The following PKD1 variants were observed in gnomAD, a reference collection of about 807,000 sequenced individuals.
PKD1 encodes polycystin-1.
In PKD1, 81 loss-of-function variants were observed where a neutral mutation model predicts 361.7. That is an observed-to-expected ratio of 0.22 (90% CI 0.19 to 0.27). The LOEUF is 0.27. Ranked by LOEUF, PKD1 falls within the 10% of genes least tolerant of loss-of-function variation. PKD1 has a pLI of 1.00. For synonymous variants in PKD1, 3,615 were observed against 2,818.3 expected (o/e 1.28, Z -8.95); for missense variants, 6,399 against 6,118.3 (o/e 1.05, Z -1.53).
At chr16:2,096,826 GTATT>G in intron 34 of PKD1, 1 of 422,624 alleles carries the variant, frequency 2.4e-6, no homozygotes, top group Non-Finnish European at 4.3e-6. Flanking sequence ...CAAAAATGGG[GTATT>G]TAAAAACCCG....
chr16:2,106,058 G>T lies in PKD1; in HGVS notation c.7703+33C>A, dbSNP rs750062706. On this transcript the variant is annotated intron_variant, in intron 19 of 45. Coordinates refer to ENST00000262304, the MANE Select transcript of PKD1 (RefSeq NM_001009944.3). The surrounding 1 kb of genome is among the most constrained non-coding windows in gnomAD (Gnocchi z 6.5). ...AGAGGGGGGTGGTGAGCAGGTGGCAGTCTCGGGGGCGCCCTCCCACGGCCT... is the reference window on the plus strand; with the variant it reads ...AGAGGGGGGTGGTGAGCAGGTGGCATTCTCGGGGGCGCCCTCCCACGGCCT... 6.2e-7 allele frequency: 1 copy of T among 1,606,988 alleles called. No individual in the cohort carries two copies. Among genetic ancestry groups the T allele is most frequent in the Middle Eastern group, 2.3e-4 (1 of 4,418 alleles).
Position 2,114,252 on chromosome 16 carries a change from A to T in PKD1, c.2771T>A (p.Leu924Gln). ...ENSASRANLS[L>Q]RVTAEEPICG... ...GATGGGCTCCTCCGCCGTCACCCGC[A>T]GGCTGAGGTTGGCCCGGCTGGCGCT... The change falls in exon 11 of 46, where the codon CTG becomes CAG. Residue 924 changes from leucine to glutamine, a missense_variant. By Grantham distance (113) the Leu-to-Gln change is moderately radical. Coordinates refer to ENST00000262304, the MANE Select transcript of PKD1 (RefSeq NM_001009944.3). The T allele has an allele frequency of 6.2e-7, 1 of 1,610,170 alleles. No individual in the cohort carries two copies. The highest frequency in any genetic ancestry group is 8.5e-7 in the Non-Finnish European group (1 of 1,179,448).
chr16:2,134,925 G>T (rs1348206992), intron 1 of PKD1: 1 of 121,736 alleles, frequency 8.2e-6, no homozygotes, highest in Non-Finnish European at 1.6e-5. Context: ...GCCCACCCGC[G>T]AGCCCACCTC....
Position 2,112,014 on chromosome 16 carries a change from G to T in PKD1, c.3296-143C>A, listed in dbSNP as rs1039527287. 9.1e-6 allele frequency: 8 copies of T among 880,258 alleles called. No individual in the cohort carries two copies. In the African/African-American group the frequency reaches 1.3e-4, roughly 15 times the overall value. 54.5% of individuals were successfully genotyped at this position (880,258 alleles called of 1,614,324 possible). ...TAAGGGTCCCAGGCTCCCAAGCCAC[G>T]TGCGGGACGGAGCACAGGTGTAGCA... On this transcript the variant is annotated intron_variant, in intron 14 of 45. Transcript: ENST00000262304.
At position 2,090,813 on chromosome 16, in the gene PKD1, G is replaced by T. The variant is rs1017581799; in HGVS notation, c.12004-5C>A. ...GAAGCGTAGCTGCTGGGCAGCCTGC[G>T]GACGAGAAATCTGTCTGCTTGCAGC... On this transcript the variant is annotated splice_region_variant and splice_polypyrimidine_tract_variant and intron_variant, in intron 43 of 45. Coordinates refer to ENST00000262304, the MANE Select transcript of PKD1 (RefSeq NM_001009944.3). 2 of 1,612,252 alleles carry T rather than the reference G, an allele frequency of 1.2e-6. No homozygotes were observed. Among genetic ancestry groups the T allele is most frequent in the South Asian group, 2.2e-5 (2 of 91,092 alleles).
Position 2,090,615 on chromosome 16 carries a change from G to A in PKD1, c.12139-25C>T, listed in dbSNP as rs368784157. 5 of 1,608,732 alleles carry A rather than the reference G, an allele frequency of 3.1e-6. No homozygotes were observed. The East Asian group carries it at 8.9e-5, about 29-fold the overall frequency. On this transcript the variant is annotated intron_variant, in intron 44 of 45. Coordinates refer to ENST00000262304, the MANE Select transcript of PKD1 (RefSeq NM_001009944.3). ...GCTGCGGGGAAGGCGACACCAGTGA[G>A]GGCGTACAGCTGAGCTGAGCTGAGC...
In PKD1 at chr16:2,089,714, C is replaced by G; in HGVS notation, c.*13G>C. ...ACTCCGACTCCACGGCCCACCCCCGCCAGGAAGGAGGACTAAGTGCTGCTG... is the reference window on the plus strand; with the variant it reads ...ACTCCGACTCCACGGCCCACCCCCGGCAGGAAGGAGGACTAAGTGCTGCTG... On this transcript the variant is annotated 3_prime_UTR_variant, in exon 46 of 46. Coordinates refer to ENST00000262304, the MANE Select transcript of PKD1 (RefSeq NM_001009944.3). 6.4e-7 allele frequency: 1 copy of G among 1,569,338 alleles called. No homozygotes were observed. The highest frequency in any genetic ancestry group is 8.6e-7 in the Non-Finnish European group (1 of 1,158,524).
chr16:2,121,718 C>T (rs2092724249), intron 1 of PKD1, among the ~76,000 whole-genome samples: 1 of 132,592 alleles, frequency 7.5e-6, no homozygotes, highest in Non-Finnish European at 1.6e-5. Context: ...CCCTCCTGGT[C>T]CCACGCACTC....
In PKD1 at chr16:2,109,874, G is replaced by C; in HGVS notation, c.5293C>G (p.Pro1765Ala). ...EEGLSWETSE[P>A]FTTHSFPTPG... ...GTGGGGAAGCTATGGGTGGTAAATG[G>C]CTCGGAGGTCTCCCAGCTCAGCCCC... The change falls in exon 15 of 46, where the codon CCA (proline) becomes GCA (alanine). Residue 1765 changes from proline (P) to alanine (A), a missense_variant. Coordinates refer to ENST00000262304, the MANE Select transcript of PKD1 (RefSeq NM_001009944.3). 1.9e-6 allele frequency: 3 copies of C among 1,610,676 alleles called. No homozygotes were observed. Among genetic ancestry groups the C allele is most frequent in the Non-Finnish European group, 2.5e-6 (3 of 1,179,830 alleles).
At chr16:2,131,545 T>C (rs1860654822) in intron 1 of PKD1, among the ~76,000 whole-genome samples, 1 of 146,260 alleles carries the variant, frequency 6.8e-6, no homozygotes. Flanking sequence ...ATAAATAAAA[T>C]ACATCACTCA....
chr16:2,111,469 G>A lies in PKD1; in HGVS notation c.3698C>T (p.Ala1233Val). ...GATGTTGTCGCCCGTCTGCACCGCG[G>A]CGCTGACCACCACGGGGGCGCCCTG... The part of the protein sequence containing the change: ...VEQGAPVVVS[A>V]AVQTGDNITW... The change falls in exon 15 of 46, where the codon GCC (alanine) becomes GTC (valine). Residue 1233 changes from alanine to valine, a missense_variant. Ala to Val is a moderately conservative substitution (Grantham distance 64, BLOSUM62 0). Coordinates refer to ENST00000262304, the MANE Select transcript of PKD1 (RefSeq NM_001009944.3). The A allele has an allele frequency of 6.2e-7, 1 of 1,611,648 alleles. No homozygotes were observed. The highest frequency in any genetic ancestry group is 1.1e-5 in the South Asian group (1 of 90,990).
At position 2,097,173 on chromosome 16, in the gene PKD1, T is replaced by C. The variant is rs2091882999; in HGVS notation, c.10474A>G (p.Met3492Val). ...SSPAPTQDTH[M>V]ETDLLSSLSS... is the part of the protein sequence containing the mutation. ...AGGCTGCTGAGCAGGTCCGTTTCCA[T>C]GTGGGTGTCTTGGGTAGGGGCTGGG... Residue 3492 changes from methionine (M) to valine (V), a missense_variant, in exon 34 of 46, where the codon ATG becomes GTG. By Grantham distance (21) the Met-to-Val change is conservative. Transcript: ENST00000262304. 2 of 1,552,154 alleles carry C rather than the reference T, an allele frequency of 1.3e-6. No homozygotes were observed. The highest frequency in any genetic ancestry group is 1.7e-6 in the Non-Finnish European group (2 of 1,147,634).
In PKD1 at chr16:2,103,891, G is replaced by C; in HGVS notation, c.8166C>G (p.Asp2722Glu). The change falls in exon 23 of 46, where the codon GAC becomes GAG. Residue 2722 changes from aspartate to glutamate, a missense_variant. Physicochemically the swap from Asp to Glu is conservative, Grantham distance 45. Coordinates refer to ENST00000262304, the MANE Select transcript of PKD1 (RefSeq NM_001009944.3). The stretch of plus-strand genomic sequence containing the variant: ...CGTCCGAGCTGGCCAGGTGGATGAG[G>C]TCTCCTGCAGACATGCGTGAGGTCA... ...IGDSILNITG[D>E]LIHLASSDVR... 3 of 1,566,446 alleles carry C rather than the reference G, an allele frequency of 1.9e-6. No homozygotes were observed. The highest frequency in any genetic ancestry group is 2.6e-6 in the Non-Finnish European group (3 of 1,158,906).
At chr16:2,125,604 G>A (rs2092787490) in intron 1 of PKD1, among the ~76,000 whole-genome samples, 1 of 152,182 alleles carries the variant, frequency 6.6e-6, no homozygotes, top group Admixed American at 6.5e-5. Context: ...AGTCTGCGAT[G>A]TCCTTGCCTA....
chr16:2,124,805 G>T (rs1303186292), intron 1 of PKD1, among the ~76,000 whole-genome samples: 1 of 152,220 alleles, frequency 6.6e-6, no homozygotes, highest in African/African-American at 2.4e-5. Context: ...TGGGGGGACC[G>T]GCTCGGAGGG....
intron 1 of PKD1, among the ~76,000 whole-genome samples, chr16:2,124,496 GTCGGGGAATGCAAC>G (rs2092768914): frequency 6.6e-6 from 1 of 152,234 alleles, no homozygotes; most frequent in South Asian, 2.1e-4. Flanking sequence ...GGGAGCCGGG[GTCGGGGAATGCAAC>G]AGTGGGACTG....
chr16:2,117,355 G>T lies in PKD1; in HGVS notation c.1385+134C>A, dbSNP rs1026046251. 6.0e-6 allele frequency: 4 copies of T among 664,596 alleles called. No individual in the cohort carries two copies. The East Asian group carries it at 1.1e-4, about 18-fold the overall frequency. The allele number at this position is 664,596 out of a possible 1,614,324, so 41.2% of individuals were successfully genotyped here. A position where few individuals can be genotyped will look rare whatever the true frequency, so the allele number is the denominator to read the frequency against. ...CAGAGCTGACAGGAACGGCCCCACCGGCCGGCGCCACCTGCTCACCAGGGC... is the reference window on the plus strand; with the variant it reads ...CAGAGCTGACAGGAACGGCCCCACCTGCCGGCGCCACCTGCTCACCAGGGC... On this transcript the variant is annotated intron_variant, in intron 6 of 45. Coordinates refer to ENST00000262304, the MANE Select transcript of PKD1 (RefSeq NM_001009944.3).
chr16:2,099,590 T>C lies in PKD1; in HGVS notation c.10050+54A>G, dbSNP rs56149818. 118,657 of 1,530,070 alleles carry C rather than the reference T, an allele frequency of 0.078. 6,812 individuals are homozygous for C. The highest frequency in any genetic ancestry group is 0.3 in the African/African-American group (21,953 of 73,034). The allele number at this position is 1,530,070 out of a possible 1,614,324, so 94.8% of individuals were successfully genotyped here. On this transcript the variant is annotated intron_variant, in intron 30 of 45. Transcript: ENST00000262304. Reference sequence around the variant, plus strand: ...TGGAAAGTGGCGGCCCTAGGCATGGTGCCGAGGCCCAGGCTCCATTCCCAG... The same window carrying C: ...TGGAAAGTGGCGGCCCTAGGCATGGCGCCGAGGCCCAGGCTCCATTCCCAG...
intron 37 of PKD1, 168 bp downstream of exon 37, chr16:2,093,376 A>C: frequency 1.4e-6 from 1 of 729,550 alleles, no homozygotes. Flanking sequence ...TGGGGCAGCA[A>C]GTGGGGGGCG....
Sources: allele counts gnomAD v4.1 joint callset (sites outside exome capture counted in the v4.1 genomes callset), GRCh38; gene constraint gnomAD v4.1.1; non-coding constraint Gnocchi (gnomAD v3.1); transcripts MANE v1.5; gene names NCBI Gene and HGNC (gene_info 2026-07-23, HGNC 2026-07-21).